MALRD1: variants seen among roughly 807,000 people sequenced by gnomAD.
MALRD1 encodes the protein MAM and LDL-receptor class A domain-containing protein 1.
A neutral mutation model predicts 242.1 loss-of-function variants in MALRD1; 247 were observed. That is an observed-to-expected ratio of 1.02 (90% CI 0.92 to 1.13). The LOEUF (loss-of-function observed/expected upper bound fraction) is 1.13, where lower values mean the gene tolerates loss of function less well. MALRD1 is among the 50% of genes most tolerant of loss of function. The pLI is 0.00. For missense variants in MALRD1, 2,989 were observed against 2,533.1 expected, an observed-to-expected ratio of 1.18 and a Z score of -3.86; for synonymous variants, 995 against 866.6, an observed-to-expected ratio of 1.15 and a Z score of -2.60.
At chr10:19,341,828 C>T (rs1453357448) in intron 24 of MALRD1, among the ~76,000 whole-genome samples, 7 of 152,030 alleles carry the variant, frequency 4.6e-5, no homozygotes, top group Admixed American at 2.6e-4. Flanking sequence ...TAAAACCCAG[C>T]CCCTTTTATT....
chr10:19,232,508 T>C (rs779561948), intron 18 of MALRD1, among the ~76,000 whole-genome samples: 2 of 152,054 alleles, frequency 1.3e-5, no homozygotes, highest in Non-Finnish European at 2.9e-5. Flanking sequence ...CTAACCTAAA[T>C]TATTTTAAAA....
At chr10:19,285,734 G>C (rs868146518) in intron 21 of MALRD1, among the ~76,000 whole-genome samples, 7 of 123,802 alleles carry the variant, frequency 5.7e-5, no homozygotes, top group Admixed American at 2.5e-4. Context: ...TTGGCGATGC[G>C]GGCTCTTTTT....
intron 14 of MALRD1, among the ~76,000 whole-genome samples, chr10:19,188,784 A>G (rs1482539448): frequency 6.6e-6 from 1 of 152,186 alleles, no homozygotes; most frequent in African/African-American, 2.4e-5. Context: ...TGGAAGCAGA[A>G]AGAGCAGTTG....
chr10:19,137,689 T>C (rs1183903000), intron 10 of MALRD1, among the ~76,000 whole-genome samples: 1 of 152,024 alleles, frequency 6.6e-6, no homozygotes, highest in East Asian at 1.9e-4. Context: ...AACACCTTTC[T>C]TTCAGGCCTT....
chr10:19,536,384 G>C (rs1834675999), intron 32 of MALRD1, among the ~76,000 whole-genome samples: 1 of 150,478 alleles, frequency 6.6e-6, no homozygotes, highest in Admixed American at 6.6e-5. Flanking sequence ...AAGTTTTAGG[G>C]TACATGTGCA....
In MALRD1 at chr10:19,681,239, G is replaced by A. The variant is rs144839936; in HGVS notation, c.6138-11043G>A. 7.2e-3 allele frequency among the ~76,000 whole-genome samples: 1,093 copies of A among 152,200 alleles called. 9 individuals are homozygous for A. The highest frequency in any genetic ancestry group is 0.023 in the African/African-American group (941 of 41,538). On this transcript the variant is annotated intron_variant, in intron 36 of 39. Coordinates refer to ENST00000454679, the MANE Select transcript of MALRD1 (RefSeq NM_001142308.3). The stretch of plus-strand genomic sequence containing the variant: ...TCGGGAAGTTCTCCTGGATGATATC[G>A]TGAAGTATGTTTTCCAACCTGGTTC...
At chr10:19,285,388 C>T (rs1841057876) in intron 21 of MALRD1, among the ~76,000 whole-genome samples, 1 of 146,526 alleles carries the variant, frequency 6.8e-6, no homozygotes, top group Non-Finnish European at 1.5e-5. Flanking sequence ...GGTTTTAGGT[C>T]TAACGTTTAA....
At chr10:19,416,531 C>T (rs1231981090) in intron 28 of MALRD1, among the ~76,000 whole-genome samples, 2 of 151,828 alleles carry the variant, frequency 1.3e-5, no homozygotes, top group African/African-American at 4.8e-5. Flanking sequence ...CTCCTCATTG[C>T]CAGGTGGAAA....
chr10:19,340,946 G>A (rs1054842594), intron 24 of MALRD1, among the ~76,000 whole-genome samples: 1 of 152,054 alleles, frequency 6.6e-6, no homozygotes, highest in Non-Finnish European at 1.5e-5. Flanking sequence ...ATTCATATGT[G>A]TATTAAAATT....
chr10:19,104,271 G>A (rs908179129), intron 5 of MALRD1, among the ~76,000 whole-genome samples, 196 bp downstream of exon 5: 5 of 152,108 alleles, frequency 3.3e-5, no homozygotes, highest in African/African-American at 1.2e-4. Context: ...ACTGACTGAT[G>A]CTGTAAAGAA....
intron 18 of MALRD1, among the ~76,000 whole-genome samples, chr10:19,221,965 G>T (rs1198668021): frequency 2.0e-5 from 3 of 152,100 alleles, no homozygotes; most frequent in Non-Finnish European, 1.5e-5. Context: ...TTACTAATTT[G>T]CAAGAATGGG....
In MALRD1 at chr10:19,209,681, G is replaced by T. The variant is rs1384104774; in HGVS notation, c.2991+1G>T. ...CATTTCCAGCAGGCAGCCCTTTCAG[G>T]TATGGATAATAGATTTTATAATGTA... On this transcript the variant is annotated splice_donor_variant, in intron 18 of 39. Coordinates refer to ENST00000454679, the MANE Select transcript of MALRD1 (RefSeq NM_001142308.3). LOFTEE classifies it high-confidence loss of function. 6.5e-7 allele frequency: 1 copy of T among 1,541,930 alleles called. No homozygotes were observed. Among genetic ancestry groups the T allele is most frequent in the Admixed American group, 2.0e-5 (1 of 49,752 alleles).
intron 32 of MALRD1, among the ~76,000 whole-genome samples, chr10:19,563,833 C>T (rs1269546206): frequency 6.6e-6 from 1 of 152,082 alleles, no homozygotes; most frequent in Admixed American, 6.5e-5. Flanking sequence ...GGTGTAATTC[C>T]CAATGTTGGA....
intron 34 of MALRD1, among the ~76,000 whole-genome samples, chr10:19,597,448 G>A (rs1838149318): frequency 6.6e-6 from 1 of 152,118 alleles, no homozygotes; most frequent in Non-Finnish European, 1.5e-5. Flanking sequence ...AAATAGACTG[G>A]GGACAAAATT....
chr10:19,267,200 C>T (rs1410090404), intron 19 of MALRD1, among the ~76,000 whole-genome samples: 2 of 151,838 alleles, frequency 1.3e-5, no homozygotes, highest in Admixed American at 6.6e-5. Flanking sequence ...CAGATATCAG[C>T]ATGCACATTA....
intron 4 of MALRD1, among the ~76,000 whole-genome samples, chr10:19,095,662 G>A (rs996767648): frequency 2.0e-5 from 3 of 152,198 alleles, no homozygotes; most frequent in African/African-American, 7.2e-5. Flanking sequence ...CCTGGGCCCT[G>A]AAGACGTCTG....
chr10:19,642,765 G>C (rs1374018231), intron 36 of MALRD1, among the ~76,000 whole-genome samples: 2 of 152,176 alleles, frequency 1.3e-5, no homozygotes, highest in South Asian at 2.1e-4. Flanking sequence ...TCAAGTTTGA[G>C]AGCCTAGAGG....
intron 36 of MALRD1, among the ~76,000 whole-genome samples, chr10:19,666,282 C>A (rs1197637532): frequency 6.6e-6 from 1 of 151,902 alleles, no homozygotes; most frequent in Admixed American, 6.6e-5. Flanking sequence ...ATTCTCTGAC[C>A]TCTCCTTAAT....
chr10:19,231,646 T>A (rs1045913480), intron 18 of MALRD1, among the ~76,000 whole-genome samples: 8 of 152,186 alleles, frequency 5.3e-5, no homozygotes, highest in Admixed American at 3.9e-4. Context: ...CCATTTAAGA[T>A]GTGCCTTTGC....
Sources: gnomAD v4.1 joint callset for allele counts (sites outside exome capture counted in the v4.1 genomes callset) on GRCh38, gnomAD v4.1.1 for gene constraint, MANE v1.5 for transcripts, NCBI Gene and HGNC (gene_info 2026-07-23, HGNC 2026-07-21) for gene names.